PCDH9: variants seen among roughly 807,000 people sequenced by gnomAD.
The protein encoded by PCDH9 is protocadherin 9.
Under a neutral mutation model 70.6 loss-of-function variants are expected in PCDH9, and 24 were observed. The observed-to-expected ratio is 0.34, with a 90% confidence interval of 0.25 to 0.48. The LOEUF (loss-of-function observed/expected upper bound fraction) is 0.48. PCDH9 is among the 20% of genes least tolerant of loss of function. The pLI, the probability that PCDH9 is intolerant of heterozygous loss-of-function variation, is 0.99. For missense variants in PCDH9, 1,281 were observed against 1,503.6 expected (o/e 0.85, Z 2.45); for synonymous variants, 562 against 558.5 (o/e 1.01, Z -0.09).
chr13:66,651,691 C>T (rs577818952), intron 3 of PCDH9, among the ~76,000 whole-genome samples: 53 of 152,074 alleles, frequency 3.5e-4, no homozygotes, highest in African/African-American at 1.2e-3. Flanking sequence ...ATACCAAAAC[C>T]TGACAAAAAC....
chr13:67,120,765 G>A (rs1052895360), intron 2 of PCDH9, among the ~76,000 whole-genome samples: 2 of 151,932 alleles, frequency 1.3e-5, no homozygotes, highest in Non-Finnish European at 2.9e-5. Context: ...GAAATAAATT[G>A]ATAATTTATT....
At chr13:66,628,367 T>C (rs1467298041) in intron 4 of PCDH9, among the ~76,000 whole-genome samples, 1 of 152,226 alleles carries the variant, frequency 6.6e-6, no homozygotes, top group Non-Finnish European at 1.5e-5. Flanking sequence ...AATGAAATAT[T>C]ACCACATGAT....
At chr13:66,632,890 A>T (rs1232541687) in intron 3 of PCDH9, among the ~76,000 whole-genome samples, 1 of 152,082 alleles carries the variant, frequency 6.6e-6, no homozygotes, top group Non-Finnish European at 1.5e-5. Flanking sequence ...CAAGTATATA[A>T]TGTACAATAT....
chr13:67,184,822 A>C (rs2088708946), intron 2 of PCDH9, among the ~76,000 whole-genome samples: 1 of 152,204 alleles, frequency 6.6e-6, no homozygotes, highest in Admixed American at 6.5e-5. Context: ...AATTCTATAA[A>C]TAGTGCAGTT....
In PCDH9 at chr13:66,621,968, C is replaced by T. The variant is rs796705979; in HGVS notation, c.3340+9242G>A. On this transcript the variant is annotated intron_variant, in intron 4 of 4. Transcript: ENST00000377865. ...TGGAGGAAGAAGCGCCAGCGGGAAC[C>T]GGGGCTGCGCGTGGGGCTTGCGGGC... Among the ~76,000 whole-genome samples the T allele has an allele frequency of 8.0e-4, 122 of 152,332 alleles. 2 individuals are homozygous for T. The highest frequency in any genetic ancestry group is 7.0e-3 in the Admixed American group (107 of 15,310).
At chr13:66,968,491 C>T (rs971310153) in intron 2 of PCDH9, among the ~76,000 whole-genome samples, 4 of 151,978 alleles carry the variant, frequency 2.6e-5, no homozygotes, top group African/African-American at 2.4e-5. Flanking sequence ...TGTCAAATCA[C>T]GACTCCTTCG....
At chr13:67,066,661 C>A (rs541080453) in intron 2 of PCDH9, among the ~76,000 whole-genome samples, 24 of 152,060 alleles carry the variant, frequency 1.6e-4, no homozygotes, top group African/African-American at 5.1e-4. Flanking sequence ...TTTAATGAGG[C>A]CTTTCATACA....
intron 2 of PCDH9, among the ~76,000 whole-genome samples, chr13:67,016,333 T>C (rs756634099): frequency 3.9e-5 from 6 of 152,320 alleles, no homozygotes; most frequent in East Asian, 1.9e-4. Flanking sequence ...TTCATTAACA[T>C]ATTCACTCCA....
chr13:66,980,730 G>GTTTTTTTTTTTTTTTT lies in PCDH9; in HGVS notation c.3037-77126_3037-77125insAAAAAAAAAAAAAAAA. 1.5e-3 allele frequency among the ~76,000 whole-genome samples: 109 copies of GTTTTTTTTTTTTTTTT among 70,894 alleles called. 3 individuals are homozygous for GTTTTTTTTTTTTTTTT. Among genetic ancestry groups the GTTTTTTTTTTTTTTTT allele is most frequent in the Non-Finnish European group, 1.9e-3 (71 of 37,616 alleles). 46.5% of individuals were successfully genotyped at this position (70,894 alleles called of 152,430 possible). A position where few individuals can be genotyped will look rare whatever the true frequency, so the allele number is the denominator to read the frequency against. ...TTTGTTTTTTCCTGTTTTTTTCTTTGTTTTTTTTTTTGTTTTTTTTTTTAC... is the reference window on the plus strand; with the variant it reads ...TTTGTTTTTTCCTGTTTTTTTCTTTGTTTTTTTTTTTTTTTTTTTTTTTTTTTGTTTTTTTTTTTAC... On this transcript the variant is annotated intron_variant, in intron 2 of 4. Transcript: ENST00000377865.
At chr13:66,536,641 C>T (rs905450102) in intron 4 of PCDH9, among the ~76,000 whole-genome samples, 1 of 151,992 alleles carries the variant, frequency 6.6e-6, no homozygotes, top group Non-Finnish European at 1.5e-5. Context: ...AAAATGTTAA[C>T]TGAATTCTAC....
In PCDH9 at chr13:66,337,402, C is replaced by T. The variant is rs370993921; in HGVS notation, c.3341-32374G>A. Among the ~76,000 whole-genome samples the T allele has an allele frequency of 2.0e-5, 3 of 151,976 alleles. No homozygotes were observed. The East Asian group carries it at 5.8e-4, about 29-fold the overall frequency. ...CTAGGTAAGTGATTCACCCAAAAGA[C>T]CTAAGAGTTCTGCATTCTGGAAGGC... On this transcript the variant is annotated intron_variant, in intron 4 of 4. Transcript: ENST00000377865.
At chr13:66,578,082 T>C (rs905275932) in intron 4 of PCDH9, among the ~76,000 whole-genome samples, 2 of 152,090 alleles carry the variant, frequency 1.3e-5, no homozygotes, top group African/African-American at 4.8e-5. Context: ...ATTTTATGTA[T>C]TTTCCCTAAT....
In PCDH9 at chr13:66,818,944, C is replaced by A. The variant is rs1201323535; in HGVS notation, c.3138+84560G>T. Among the ~76,000 whole-genome samples, 3 of 149,948 alleles carry A rather than the reference C, an allele frequency of 2.0e-5. No individual in the cohort carries two copies. In the South Asian group the frequency reaches 6.4e-4, roughly 32 times the overall value. On this transcript the variant is annotated intron_variant, in intron 3 of 4. Coordinates refer to ENST00000377865, the MANE Select transcript of PCDH9 (RefSeq NM_203487.3). ...GCTAGACTCCCGTCTCAAAAAAAAACAAAAAACAAAAAACAAAAAAACAAA... is the reference window on the plus strand; with the variant it reads ...GCTAGACTCCCGTCTCAAAAAAAAAAAAAAAACAAAAAACAAAAAAACAAA...
intron 2 of PCDH9, among the ~76,000 whole-genome samples, chr13:66,948,175 T>A (rs1268713592): frequency 6.6e-6 from 1 of 152,104 alleles, no homozygotes; most frequent in African/African-American, 2.4e-5. Flanking sequence ...AATGGTCTGT[T>A]CATCATGTTC....
intron 3 of PCDH9, among the ~76,000 whole-genome samples, chr13:66,808,573 T>G (rs2080447844): frequency 6.6e-6 from 1 of 152,154 alleles, no homozygotes; most frequent in African/African-American, 2.4e-5. Context: ...TGTAAACCAG[T>G]TCTTCATAGT....
At chr13:66,625,508 C>G (rs371918758) in intron 4 of PCDH9, among the ~76,000 whole-genome samples, 5 of 152,144 alleles carry the variant, frequency 3.3e-5, no homozygotes, top group African/African-American at 1.2e-4. Context: ...AAATTGAATG[C>G]TGATGTAATC....
chr13:66,414,669 C>T (rs549180304), intron 4 of PCDH9, among the ~76,000 whole-genome samples: 4 of 152,188 alleles, frequency 2.6e-5, no homozygotes, highest in East Asian at 3.9e-4. Context: ...GCTGAAAATG[C>T]GGAACATATG....
intron 4 of PCDH9, among the ~76,000 whole-genome samples, chr13:66,371,719 A>T (rs1956657463): frequency 6.6e-6 from 1 of 152,110 alleles, no homozygotes; most frequent in African/African-American, 2.4e-5. Flanking sequence ...TTTAGCTTCC[A>T]GGCTAATAAA....
intron 4 of PCDH9, among the ~76,000 whole-genome samples, chr13:66,378,936 C>G (rs1022997585): frequency 1.3e-5 from 2 of 152,202 alleles, no homozygotes; most frequent in South Asian, 2.1e-4. Flanking sequence ...GTTCACCAAG[C>G]AAGTCACCTT....
Sources: gnomAD v4.1 joint callset for allele counts (sites outside exome capture counted in the v4.1 genomes callset) on GRCh38, gnomAD v4.1.1 for gene constraint, MANE v1.5 for transcripts, NCBI Gene and HGNC (gene_info 2026-07-23, HGNC 2026-07-21) for gene names.